Variants in SPNS3 observed in about 807,000 individuals in gnomAD.
SPNS3 encodes SPNS lysolipid transporter 3, sphingosine-1-phosphate (putative).
SPNS3 carries 51 observed loss-of-function variants against 54.4 expected under a neutral mutation model. That is an observed-to-expected ratio of 0.94 (90% CI 0.75 to 1.18). SPNS3 has a LOEUF of 1.18. Ranked by LOEUF, SPNS3 falls within the 50% of genes most tolerant of loss-of-function variation. The pLI, the probability that SPNS3 is intolerant of heterozygous loss-of-function variation, is 0.00. For missense variants in SPNS3, 669 were observed against 677.4 expected (o/e 0.99, Z 0.14); for synonymous variants, 309 against 294.7 (o/e 1.05, Z -0.50).
intron 8 of SPNS3, 81 bp from the exon 9 acceptor site, chr17:4,478,491 C>T (rs943987434): frequency 7.7e-6 from 10 of 1,292,660 alleles, no homozygotes; most frequent in African/African-American, 4.4e-5. Flanking sequence ...CCCAGTCTCT[C>T]CTCTCCACAG....
At chr17:4,463,259 A>G (rs889113524) in intron 8 of SPNS3, among the ~76,000 whole-genome samples, 1 of 151,548 alleles carries the variant, frequency 6.6e-6, no homozygotes. Flanking sequence ...TTAGCCAGGC[A>G]TGGTGGTGGC....
At chr17:4,466,101 G>A (rs899837002) in intron 8 of SPNS3, among the ~76,000 whole-genome samples, 1 of 152,184 alleles carries the variant, frequency 6.6e-6, no homozygotes, top group Admixed American at 6.5e-5. Context: ...TGAGATGCAG[G>A]TCTCCACCAG....
At chr17:4,476,757 G>A (rs1192448414) in intron 8 of SPNS3, among the ~76,000 whole-genome samples, 1 of 152,162 alleles carries the variant, frequency 6.6e-6, no homozygotes, top group Non-Finnish European at 1.5e-5. Context: ...GCCCTCAGGG[G>A]CCTCTCAGTT....
At chr17:4,478,414 G>A (rs1234028166) in intron 8 of SPNS3, among the ~76,000 whole-genome samples, 158 bp from the exon 9 acceptor site, 2 of 152,110 alleles carry the variant, frequency 1.3e-5, no homozygotes. Flanking sequence ...TGCTGGAACT[G>A]GAAAAATAGT....
chr17:4,475,839 G>A (rs1971979042), intron 8 of SPNS3, among the ~76,000 whole-genome samples: 1 of 152,178 alleles, frequency 6.6e-6, no homozygotes, highest in South Asian at 2.1e-4. Flanking sequence ...GAGTTGTGGA[G>A]CCCGGGTTTG....
chr17:4,446,840 G>A (rs576208333), intron 4 of SPNS3, 56 bp from the exon 5 acceptor site: 125 of 1,549,932 alleles, frequency 8.1e-5, no homozygotes, highest in Middle Eastern at 1.9e-4. Flanking sequence ...TGGTGGTGGG[G>A]TCTGCCTTCC....
At chr17:4,453,246 G>A in intron 8 of SPNS3, 41 bp downstream of exon 8, 1 of 1,562,000 alleles carries the variant, frequency 6.4e-7, no homozygotes, top group Non-Finnish European at 8.7e-7. Context: ...AGGGTTGGGG[G>A]GCGAGGAACT....
intron 1 of SPNS3, among the ~76,000 whole-genome samples, chr17:4,436,174 G>C (rs1434879506): frequency 6.6e-6 from 1 of 152,182 alleles, no homozygotes; most frequent in Non-Finnish European, 1.5e-5. Flanking sequence ...CCAGACAAGG[G>C]GGAGGCACAG....
intron 8 of SPNS3, among the ~76,000 whole-genome samples, chr17:4,458,857 CA>C (rs1971419109): frequency 6.6e-6 from 1 of 151,806 alleles, no homozygotes; most frequent in Non-Finnish European, 1.5e-5. Context: ...CTTCCCTGCT[CA>C]AAAGCCTCGC....
chr17:4,434,728 G>A lies in SPNS3; in HGVS notation c.199+562G>A, dbSNP rs528750131. ...TTACCATGCTAGTCAGGCTGGTCTC[G>A]AACTCCTGACCTCAGGTGATCCACC... On this transcript the variant is annotated intron_variant, in intron 1 of 11. Coordinates refer to ENST00000355530, the MANE Select transcript of SPNS3 (RefSeq NM_182538.5). Among the ~76,000 whole-genome samples the A allele has an allele frequency of 1.1e-3, 168 of 151,484 alleles. 6 individuals are homozygous for A. The East Asian group carries it at 0.016, about 14-fold the overall frequency.
intron 9 of SPNS3, among the ~76,000 whole-genome samples, chr17:4,484,697 G>C (rs562169605): frequency 4.6e-4 from 70 of 152,218 alleles, no homozygotes; most frequent in African/African-American, 1.7e-3. Flanking sequence ...AAGCGCCCCT[G>C]TGGCTGTCCA....
Position 4,434,115 on chromosome 17 carries a change from G to A in SPNS3, c.148G>A (p.Val50Ile), listed in dbSNP as rs747363157. The A allele has an allele frequency of 3.7e-5, 59 of 1,612,118 alleles. No homozygotes were observed. Among genetic ancestry groups the A allele is most frequent in the South Asian group, 1.1e-4 (10 of 90,840 alleles). Residue 50 changes from valine to isoleucine, a missense_variant, in exon 1 of 12, where the codon GTC becomes ATC. By Grantham distance (29) the Val-to-Ile change is conservative. Coordinates refer to ENST00000355530, the MANE Select transcript of SPNS3 (RefSeq NM_182538.5). ...PPWRAYVAAA[V>I]LCYINLLNYM... ...GTGGAGGGCCTACGTGGCTGCCGCC[G>A]TCCTCTGCTACATCAACCTCCTGAA...
intron 8 of SPNS3, among the ~76,000 whole-genome samples, chr17:4,454,416 C>T (rs1173827379): frequency 6.6e-6 from 1 of 152,230 alleles, no homozygotes; most frequent in Non-Finnish European, 1.5e-5. Flanking sequence ...GATGCGCTTG[C>T]ACATGTTAAC....
At chr17:4,446,825 C>T in intron 4 of SPNS3, 71 bp from the exon 5 acceptor site, 1 of 1,462,348 alleles carries the variant, frequency 6.8e-7, no homozygotes, top group Non-Finnish European at 9.6e-7. Flanking sequence ...CACCCTGGGT[C>T]AGGCTGGTGG....
At chr17:4,456,980 G>T (rs1971332615) in intron 8 of SPNS3, among the ~76,000 whole-genome samples, 1 of 152,198 alleles carries the variant, frequency 6.6e-6, no homozygotes, top group East Asian at 1.9e-4. Context: ...CTCCCAAGGT[G>T]CTGGGATTAC....
chr17:4,458,672 T>C (rs1971414112), intron 8 of SPNS3, among the ~76,000 whole-genome samples: 1 of 150,088 alleles, frequency 6.7e-6, no homozygotes, highest in African/African-American at 2.5e-5. Context: ...TTTCTTTCTT[T>C]TCTTTCTCTT....
intron 8 of SPNS3, among the ~76,000 whole-genome samples, chr17:4,471,917 G>A (rs917543772): frequency 6.6e-6 from 1 of 151,684 alleles, no homozygotes; most frequent in Non-Finnish European, 1.5e-5. Context: ...GGAGTGCAGT[G>A]GCACAATCTC....
chr17:4,478,215 G>A (rs567053980), intron 8 of SPNS3, among the ~76,000 whole-genome samples: 3 of 151,846 alleles, frequency 2.0e-5, no homozygotes, highest in South Asian at 2.1e-4. Context: ...CAAGTGATCC[G>A]CCCACCTCAG....
rs1000144381 is a variant in SPNS3, at chr17:4,484,673, C to T, written c.1180-1555C>T. Among the ~76,000 whole-genome samples, 4 of 152,080 alleles carry T rather than the reference C, an allele frequency of 2.6e-5. No homozygotes were observed. In the South Asian group the frequency reaches 8.3e-4, roughly 31 times the overall value. On this transcript the variant is annotated intron_variant, in intron 9 of 11. Transcript: ENST00000355530. ...CATGGACACCTAGGTCTTGGGGATA[C>T]GGCTCCAGGGTGTAAGCGCCCCTGT...
Sources: allele counts gnomAD v4.1 joint callset (sites outside exome capture counted in the v4.1 genomes callset), GRCh38; gene constraint gnomAD v4.1.1; transcripts MANE v1.5; gene names NCBI Gene and HGNC (gene_info 2026-07-23, HGNC 2026-07-21).